The following HCRTR2 variants were observed in gnomAD, a reference collection of about 807,000 sequenced individuals.
The protein encoded by HCRTR2 is orexin receptor type 2.
HCRTR2 carries 22 observed loss-of-function variants against 49.0 expected under a neutral mutation model. That is an observed-to-expected ratio of 0.45 (90% CI 0.32 to 0.64). The LOEUF is 0.64. Among genes scored for constraint, HCRTR2 ranks in the 30% least tolerant of loss-of-function variants. The pLI is 0.04. For synonymous variants in HCRTR2, 236 were observed against 205.3 expected (o/e 1.15, Z -1.28); for missense variants, 491 against 559.4 (o/e 0.88, Z 1.23).
intron 1 of HCRTR2, among the ~76,000 whole-genome samples, chr6:55,214,412 G>C (rs1341504677): frequency 6.6e-6 from 1 of 152,132 alleles, no homozygotes; most frequent in Non-Finnish European, 1.5e-5. Context: ...ACTCACTGCA[G>C]CCTCAAACTC....
chr6:55,201,637 G>A (rs977769529), intron 1 of HCRTR2, among the ~76,000 whole-genome samples: 3 of 152,074 alleles, frequency 2.0e-5, no homozygotes, highest in South Asian at 2.1e-4. Context: ...TACTAGTGGT[G>A]GAAAAGGTTA....
At chr6:55,125,146 A>C (rs1054275503) in intron 1 of HCRTR2, among the ~76,000 whole-genome samples, 1 of 152,066 alleles carries the variant, frequency 6.6e-6, no homozygotes, top group Middle Eastern at 3.2e-3. Context: ...TGAATTTGAT[A>C]CTGTCATTAT....
upstream of HCRTR2, among the ~76,000 whole-genome samples, chr6:55,171,985 G>A (rs7767642): frequency 0.47 from 71,994 of 151,922 alleles, 18,112 homozygotes; most frequent in East Asian, 0.81. Flanking sequence ...GAGATGAATA[G>A]TGCATGGAAG....
intron 1 of HCRTR2, among the ~76,000 whole-genome samples, chr6:55,121,131 T>G (rs12198036): frequency 0.28 from 42,676 of 152,070 alleles, 6,729 homozygotes; most frequent in Non-Finnish European, 0.36. Context: ...TCCATTTGTT[T>G]GTATCCTCTT....
intron 4 of HCRTR2, among the ~76,000 whole-genome samples, chr6:55,269,905 A>G (rs1766939630): frequency 6.6e-6 from 1 of 152,212 alleles, no homozygotes; most frequent in Non-Finnish European, 1.5e-5. Flanking sequence ...TGGAGGCTGC[A>G]GTGAGCTAAG....
upstream of HCRTR2, among the ~76,000 whole-genome samples, chr6:55,170,851 C>A (rs892429085): frequency 4.7e-5 from 7 of 150,176 alleles, no homozygotes; most frequent in Non-Finnish European, 3.0e-5. Context: ...TTTGTCCTTG[C>A]GATAGTTTGC....
intron 1 of HCRTR2, among the ~76,000 whole-genome samples, chr6:55,149,301 G>C (rs1174244413): frequency 6.6e-6 from 1 of 152,010 alleles, no homozygotes; most frequent in Non-Finnish European, 1.5e-5. Flanking sequence ...TCATCAATAT[G>C]TTTCATATTT....
intron 1 of HCRTR2, among the ~76,000 whole-genome samples, chr6:55,208,319 T>TA (rs561714147): frequency 0.15 from 18,991 of 125,680 alleles, 1,431 homozygotes; most frequent in Admixed American, 0.23. Flanking sequence ...CTACGAAAAA[T>TA]AAAAAAATAA....
chr6:55,282,138 A>C (rs76380807), intron 6 of HCRTR2, 87 bp from the exon 7 acceptor site: 1 of 938,476 alleles, frequency 1.1e-6, no homozygotes, highest in Non-Finnish European at 1.7e-6. Flanking sequence ...AGTTTGGCTC[A>C]AGGGAGCAAC....
At chr6:55,255,034 T>C in intron 2 of HCRTR2, 102 bp from the exon 3 acceptor site, 1 of 1,312,526 alleles carries the variant, frequency 7.6e-7, no homozygotes, top group South Asian at 1.3e-5. Context: ...GCTTTGAATT[T>C]GCTTATATGT....
intron 1 of HCRTR2, among the ~76,000 whole-genome samples, chr6:55,229,589 T>C (rs1221872580): frequency 6.6e-6 from 1 of 152,250 alleles, no homozygotes; most frequent in East Asian, 1.9e-4. Context: ...TGCAACATCA[T>C]AGATGAACCT....
chr6:55,226,555 C>T (rs1232934855), intron 1 of HCRTR2, among the ~76,000 whole-genome samples: 4 of 152,006 alleles, frequency 2.6e-5, no homozygotes, highest in South Asian at 2.1e-4. Flanking sequence ...ATGATCTGCA[C>T]ACCTTGGCCT....
At chr6:55,263,499 G>A (rs890192576) in intron 3 of HCRTR2, among the ~76,000 whole-genome samples, 2 of 152,000 alleles carry the variant, frequency 1.3e-5, no homozygotes, top group Non-Finnish European at 2.9e-5. Flanking sequence ...GTGAAATTAC[G>A]ACTTCACATT....
chr6:55,255,177 C>T lies in HCRTR2; in HGVS notation c.444C>T (p.Ile148=), dbSNP rs113561951. 5.4e-4 allele frequency: 872 copies of T among 1,613,896 alleles called. 7 individuals are homozygous for T. The African/African-American group carries it at 9.6e-3, about 18-fold the overall frequency. Residue 148 remains isoleucine, a synonymous_variant, in exon 3 of 7, where the codon ATC becomes ATT. Transcript: ENST00000370862. ...TGTCTGTCCTCACACTGAGCTGTATCGCCTTGGATCGGTGGTATGCAATCT... is the reference window on the plus strand; with the variant it reads ...TGTCTGTCCTCACACTGAGCTGTATTGCCTTGGATCGGTGGTATGCAATCT... The part of the protein sequence containing the change: ...VSVSVLTLSC[I]ALDRWYAICH...
intron 2 of HCRTR2, among the ~76,000 whole-genome samples, chr6:55,253,688 T>C (rs1402137944): frequency 6.6e-6 from 1 of 152,178 alleles, no homozygotes; most frequent in African/African-American, 2.4e-5. Flanking sequence ...CATGGAATAC[T>C]ATGCAACCAT....
chr6:55,224,589 C>T (rs1002335181), intron 1 of HCRTR2, among the ~76,000 whole-genome samples: 6 of 151,188 alleles, frequency 4.0e-5, no homozygotes, highest in African/African-American at 1.2e-4. Flanking sequence ...TGCCACTGAA[C>T]TCCAGCCTGG....
At chr6:55,283,072 A>G (rs1425706024), downstream of HCRTR2, among the ~76,000 whole-genome samples, 1 of 152,220 alleles carries the variant, frequency 6.6e-6, no homozygotes, top group African/African-American at 2.4e-5. Flanking sequence ...TTGTCTCAAC[A>G]TATGGCCAGT....
chr6:55,189,631 G>T (rs1449779646), intron 1 of HCRTR2, among the ~76,000 whole-genome samples: 2 of 152,140 alleles, frequency 1.3e-5, no homozygotes, highest in African/African-American at 4.8e-5. Flanking sequence ...ACACACTGGG[G>T]CCTGTTGTCG....
chr6:55,206,334 G>A lies in HCRTR2; in HGVS notation c.223+31524G>A, dbSNP rs140723835. 3.0e-3 allele frequency among the ~76,000 whole-genome samples: 461 copies of A among 152,054 alleles called. 9 individuals are homozygous for A. In the East Asian group the frequency reaches 0.056, roughly 18 times the overall value. On this transcript the variant is annotated intron_variant, in intron 1 of 6. Transcript: ENST00000370862. ...ATAGTCATAAAATGTAAAATTGCAAGACAATTAAAAACAAAAATATGATTT... is the reference window on the plus strand; with the variant it reads ...ATAGTCATAAAATGTAAAATTGCAAAACAATTAAAAACAAAAATATGATTT...
Sources: gnomAD v4.1 joint callset for allele counts (sites outside exome capture counted in the v4.1 genomes callset) on GRCh38, gnomAD v4.1.1 for gene constraint, MANE v1.5 for transcripts, NCBI Gene and HGNC (gene_info 2026-07-23, HGNC 2026-07-21) for gene names.